Variants in PIK3C2G observed in about 807,000 individuals in gnomAD.
PIK3C2G encodes the protein phosphatidylinositol-4-phosphate 3-kinase catalytic subunit type 2 gamma.
PIK3C2G carries 168 observed loss-of-function variants against 181.1 expected under a neutral mutation model. The observed-to-expected ratio is 0.93, with a 90% CI of 0.82 to 1.05. The LOEUF is 1.05. PIK3C2G is among the 50% of genes least tolerant of loss of function. The probability of loss-of-function intolerance (pLI) is 0.00; values close to 1 mark genes in which losing one functional copy is unlikely to be tolerated. For synonymous variants in PIK3C2G, 573 were observed against 592.2 expected (o/e 0.97, Z 0.47); for missense variants, 1,869 against 1,732.8 (o/e 1.08, Z -1.40).
intron 18 of PIK3C2G, 129 bp from the exon 19 acceptor site, chr12:18,488,320 T>C (rs1940245636): frequency 2.2e-6 from 1 of 455,144 alleles, no homozygotes; most frequent in Non-Finnish European, 3.8e-6. Context: ...ATTTTCCCCA[T>C]TCTAGGTTGT....
intron 18 of PIK3C2G, among the ~76,000 whole-genome samples, chr12:18,455,891 C>A (rs1433114711): frequency 6.6e-6 from 1 of 152,160 alleles, no homozygotes; most frequent in Non-Finnish European, 1.5e-5. Flanking sequence ...TTCACGCATT[C>A]ATTATATCCT....
At chr12:18,291,560 T>C (rs551435988) in intron 4 of PIK3C2G, among the ~76,000 whole-genome samples, 6 of 152,282 alleles carry the variant, frequency 3.9e-5, no homozygotes, top group Admixed American at 3.3e-4. Flanking sequence ...ATTTTTACTT[T>C]TCTAAAGTTT....
chr12:18,708,554 C>T, the PIK3C2G span, among the ~76,000 whole-genome samples: 4 of 152,120 alleles, frequency 2.6e-5, no homozygotes, highest in African/African-American at 9.7e-5. Context: ...CATATGGTGG[C>T]TCTATTTTTT....
the PIK3C2G span, among the ~76,000 whole-genome samples, chr12:18,701,229 C>T: frequency 4.6e-5 from 7 of 152,042 alleles, no homozygotes; most frequent in African/African-American, 1.5e-4. Context: ...ATGTGATCCG[C>T]CCACCTCAGC....
chr12:18,391,019 T>A (rs1943499776), intron 14 of PIK3C2G, 103 bp from the exon 15 acceptor site: 2 of 738,322 alleles, frequency 2.7e-6, no homozygotes, highest in African/African-American at 3.6e-5. Flanking sequence ...AAAATAGAAT[T>A]TATTCTGTTC....
chr12:18,688,196 G>A, the PIK3C2G span: 1 of 1,610,010 alleles, frequency 6.2e-7, no homozygotes, highest in Non-Finnish European at 8.5e-7. Flanking sequence ...ATGAGTAAGA[G>A]GCAACTGGAT....
At chr12:18,427,550 A>T (rs2135739201) in intron 18 of PIK3C2G, among the ~76,000 whole-genome samples, 1 of 151,376 alleles carries the variant, frequency 6.6e-6, no homozygotes, top group African/African-American at 2.4e-5. Context: ...ATATAATAAA[A>T]TATTAAAGAC....
At chr12:18,263,583 A>C (rs1217047938) in intron 1 of PIK3C2G, among the ~76,000 whole-genome samples, 1 of 152,148 alleles carries the variant, frequency 6.6e-6, no homozygotes, top group Non-Finnish European at 1.5e-5. Flanking sequence ...ATTATTTTTA[A>C]GTATAAATCT....
rs759183595 is a variant in PIK3C2G at position 18,321,011 on chromosome 12, T to A, written c.1187T>A (p.Met396Lys). ...TATCTGAATCAACTTCTAGAATTTA[T>A]GCATATTTGGAAAGTATCCAGGTAA... Reference protein sequence around the residue: ...QFYLNQLLEFMHIWKVSRQCL... With the variant: ...QFYLNQLLEFKHIWKVSRQCL... Residue 396 changes from methionine to lysine, a missense_variant, in exon 7 of 33, where the codon ATG becomes AAG. Physicochemically the swap from Met to Lys is moderately conservative, Grantham distance 95 (BLOSUM62 -1). Coordinates refer to ENST00000538779, the MANE Select transcript of PIK3C2G (RefSeq NM_001288772.2). 41 of 1,560,120 alleles carry A rather than the reference T, an allele frequency of 2.6e-5. No homozygotes were observed.
Position 18,546,394 on chromosome 12 carries a change from A to C in PIK3C2G, c.3552A>C (p.Pro1184=). Residue 1184 remains proline (P), a synonymous_variant, in exon 26 of 33, where the codon CCA becomes CCC. Transcript: ENST00000538779. Reference sequence around the variant, plus strand: ...AATATGTGTATAATAATCTTCGTCCACAAGACACAGACCTGGAAGCAACAA... The same window carrying C: ...AATATGTGTATAATAATCTTCGTCCCCAAGACACAGACCTGGAAGCAACAA... ...DLKYVYNNLR[P]QDTDLEATSH... 2 of 1,600,530 alleles carry C rather than the reference A, an allele frequency of 1.2e-6. No individual in the cohort carries two copies. The highest frequency in any genetic ancestry group is 8.5e-7 in the Non-Finnish European group (1 of 1,172,454).
intron 8 of PIK3C2G, among the ~76,000 whole-genome samples, chr12:18,329,281 A>G (rs1381007792): frequency 6.6e-6 from 1 of 152,010 alleles, no homozygotes; most frequent in Admixed American, 6.6e-5. Flanking sequence ...TATATAATAC[A>G]TGAAGAACAC....
At chr12:18,564,631 C>A (rs1360947262) in intron 28 of PIK3C2G, among the ~76,000 whole-genome samples, 2 of 151,732 alleles carry the variant, frequency 1.3e-5, no homozygotes, top group Non-Finnish European at 2.9e-5. Context: ...AAATTAAGAG[C>A]ATACTCAAGA....
chr12:18,566,431 T>C (rs1463914844), intron 28 of PIK3C2G, among the ~76,000 whole-genome samples: 1 of 152,186 alleles, frequency 6.6e-6, no homozygotes, highest in Non-Finnish European at 1.5e-5. Flanking sequence ...AGATGAATCA[T>C]CAGATTGTGC....
At chr12:18,278,644 C>A (rs995143736) in intron 1 of PIK3C2G, among the ~76,000 whole-genome samples, 2 of 152,094 alleles carry the variant, frequency 1.3e-5, no homozygotes, top group Admixed American at 6.6e-5. Flanking sequence ...CATGCCTTCT[C>A]AAATATGTCA....
chr12:18,688,198 C>A, the PIK3C2G span: 1 of 1,609,670 alleles, frequency 6.2e-7, no homozygotes, highest in South Asian at 1.1e-5. Flanking sequence ...GAGTAAGAGG[C>A]AACTGGATAC....
intron 18 of PIK3C2G, among the ~76,000 whole-genome samples, chr12:18,447,895 A>G (rs1947118147): frequency 6.6e-6 from 1 of 152,198 alleles, no homozygotes; most frequent in South Asian, 2.1e-4. Flanking sequence ...GGTATTATTT[A>G]AAAGTATTAT....
rs572808746 is a variant in PIK3C2G, at chr12:18,449,266, C to T, written c.2504+25227C>T. On this transcript the variant is annotated intron_variant, in intron 18 of 32. Coordinates refer to ENST00000538779, the MANE Select transcript of PIK3C2G (RefSeq NM_001288772.2). ...ATTATAGCTTTGTTTGCATATAACT[C>T]TTTTTTATTTTTATTATTTATTATT... is the stretch of plus-strand genomic sequence containing the variant. Among the ~76,000 whole-genome samples, 4 of 152,002 alleles carry T rather than the reference C, an allele frequency of 2.6e-5. No homozygotes were observed. In the South Asian group the frequency reaches 6.2e-4, roughly 24 times the overall value.
chr12:18,354,421 G>A (rs1354487981), intron 11 of PIK3C2G, among the ~76,000 whole-genome samples: 3 of 152,184 alleles, frequency 2.0e-5, no homozygotes, highest in Admixed American at 2.0e-4. Context: ...GGTGTCTCTG[G>A]GGTTTGTTTC....
At chr12:18,470,551 T>A (rs114640344) in intron 18 of PIK3C2G, among the ~76,000 whole-genome samples, 1 of 152,180 alleles carries the variant, frequency 6.6e-6, no homozygotes. Flanking sequence ...TGAAAACTCC[T>A]GTGCTTTAGA....
Sources: gnomAD v4.1 joint callset for allele counts (sites outside exome capture counted in the v4.1 genomes callset) on GRCh38, gnomAD v4.1.1 for gene constraint, MANE v1.5 for transcripts, NCBI Gene and HGNC (gene_info 2026-07-23, HGNC 2026-07-21) for gene names.